MACROD2: variants seen among roughly 807,000 people sequenced by gnomAD.
The protein encoded by MACROD2 is mono-ADP ribosylhydrolase 2, also known as ADP-ribose glycohydrolase MACROD2.
MACROD2 carries 36 observed loss-of-function variants against 70.4 expected under a neutral mutation model. The ratio of observed to expected loss-of-function variants is 0.51; its 90% confidence interval spans 0.39 to 0.68. MACROD2 has a LOEUF of 0.68. Ranked by LOEUF, MACROD2 falls within the 30% of genes least tolerant of loss-of-function variation. The pLI is 0.00. For synonymous variants in MACROD2, 172 were observed against 178.8 expected (o/e 0.96, Z 0.30); for missense variants, 496 against 538.4 (o/e 0.92, Z 0.78).
At chr20:14,384,975 G>A (rs1245148559) in intron 3 of MACROD2, among the ~76,000 whole-genome samples, 1 of 152,054 alleles carries the variant, frequency 6.6e-6, no homozygotes, top group Non-Finnish European at 1.5e-5. Context: ...ACACAAAAGG[G>A]TGCTTTATGT....
intron 5 of MACROD2, among the ~76,000 whole-genome samples, chr20:15,219,385 C>T (rs2076838905): frequency 6.6e-6 from 1 of 152,158 alleles, no homozygotes; most frequent in African/African-American, 2.4e-5. Flanking sequence ...CCTACTCCTG[C>T]TGTAACACTC....
intron 5 of MACROD2, among the ~76,000 whole-genome samples, chr20:15,184,864 T>G (rs947848827): frequency 2.0e-5 from 3 of 152,182 alleles, no homozygotes; most frequent in African/African-American, 7.2e-5. Flanking sequence ...ATGTTTAAAA[T>G]ACACCTGCAA....
intron 8 of MACROD2, among the ~76,000 whole-genome samples, chr20:15,627,476 A>AGGTTAGGGGTTTTTCAAAGGC (rs2049222178): frequency 6.6e-6 from 1 of 152,088 alleles, no homozygotes; most frequent in Non-Finnish European, 1.5e-5. Context: ...GAAGACTTGT[A>AGGTTAGGGGTTTTTCAAAGGC]GGTTAGGGGT....
At chr20:14,509,880 T>C (rs1413242841) in intron 4 of MACROD2, among the ~76,000 whole-genome samples, 3 of 152,062 alleles carry the variant, frequency 2.0e-5, no homozygotes, top group African/African-American at 7.2e-5. Context: ...TATTTATACA[T>C]ATTTTAGTGC....
chr20:15,207,437 T>A (rs2076719604), intron 5 of MACROD2, among the ~76,000 whole-genome samples: 1 of 30,300 alleles, frequency 3.3e-5, no homozygotes, highest in Non-Finnish European at 6.7e-5. Flanking sequence ...TTGTTTCTGG[T>A]TTTTTTTTTT....
intron 6 of MACROD2, among the ~76,000 whole-genome samples, chr20:15,286,460 C>T (rs540404052): frequency 1.9e-4 from 29 of 150,058 alleles, no homozygotes; most frequent in Admixed American, 4.0e-4. Context: ...CTTCTAAAGT[C>T]TGGGGACATA....
chr20:14,515,778 T>A (rs1224220081), intron 4 of MACROD2, among the ~76,000 whole-genome samples: 2 of 151,948 alleles, frequency 1.3e-5, no homozygotes, highest in African/African-American at 4.8e-5. Flanking sequence ...TAAGTTTTAG[T>A]GATCTATTTC....
intron 8 of MACROD2, among the ~76,000 whole-genome samples, chr20:15,603,158 A>G (rs1295531222): frequency 6.6e-6 from 1 of 151,996 alleles, no homozygotes; most frequent in Non-Finnish European, 1.5e-5. Context: ...AGACTTTGAA[A>G]CACTCATTAA....
chr20:15,001,764 G>A (rs1315256204), intron 5 of MACROD2, among the ~76,000 whole-genome samples: 2 of 151,692 alleles, frequency 1.3e-5, no homozygotes, highest in Non-Finnish European at 2.9e-5. Flanking sequence ...TTGGTTACAT[G>A]AGTAAGTTCT....
intron 4 of MACROD2, among the ~76,000 whole-genome samples, chr20:14,515,230 C>G (rs420299): frequency 1.3e-5 from 2 of 151,826 alleles, no homozygotes; most frequent in Admixed American, 6.6e-5. Context: ...GTGCAAAAAT[C>G]GAAAAAAATC....
chr20:15,846,888 C>A (rs564149530), intron 8 of MACROD2, among the ~76,000 whole-genome samples: 27 of 131,602 alleles, frequency 2.1e-4, no homozygotes, highest in African/African-American at 7.6e-4. Flanking sequence ...CTAAAGTGGA[C>A]CTTGACATAG....
At chr20:14,611,292 G>A (rs1451232190) in intron 4 of MACROD2, among the ~76,000 whole-genome samples, 1 of 152,006 alleles carries the variant, frequency 6.6e-6, no homozygotes, top group South Asian at 2.1e-4. Context: ...TCCCAGATGT[G>A]AAACATTAGA....
rs147679726 is a variant in MACROD2 at position 15,499,491 on chromosome 20, A to G, written c.572-283A>G. Among the ~76,000 whole-genome samples, 167 of 152,280 alleles carry G rather than the reference A, an allele frequency of 1.1e-3. 1 individual carries two copies. Among genetic ancestry groups the G allele is most frequent in the Admixed American group, 8.0e-3 (123 of 15,294 alleles). Reference sequence around the variant, plus strand: ...AAGTATATTGTAATCTATTATGCATATGTAAATATGTTTTTAATTGATATT... The same window carrying G: ...AAGTATATTGTAATCTATTATGCATGTGTAAATATGTTTTTAATTGATATT... On this transcript the variant is annotated intron_variant, in intron 7 of 17. Transcript: ENST00000684519.
intron 15 of MACROD2, among the ~76,000 whole-genome samples, chr20:16,012,151 C>G (rs1320654938): frequency 6.6e-6 from 1 of 152,226 alleles, no homozygotes; most frequent in East Asian, 1.9e-4. Flanking sequence ...ACTCTCCTAG[C>G]ACACATGTTC....
intron 2 of MACROD2, among the ~76,000 whole-genome samples, chr20:14,029,457 T>G (rs1055694721): frequency 4.6e-5 from 7 of 152,214 alleles, no homozygotes. Flanking sequence ...AATTACAGTT[T>G]ATCATGATCC....
intron 5 of MACROD2, among the ~76,000 whole-genome samples, chr20:14,793,313 G>A (rs1462213372): frequency 6.6e-6 from 1 of 152,050 alleles, no homozygotes. Context: ...CATCATGGTA[G>A]TATCAATAAG....
chr20:15,981,319 G>A (rs374834107), intron 13 of MACROD2, among the ~76,000 whole-genome samples: 27 of 151,946 alleles, frequency 1.8e-4, no homozygotes, highest in African/African-American at 5.8e-4. Context: ...TGTTTTTTGC[G>A]GTATCGTTAT....
chr20:15,937,409 C>A (rs945588859), intron 11 of MACROD2, 67 bp from the exon 12 acceptor site: 1 of 1,439,656 alleles, frequency 6.9e-7, no homozygotes, highest in Non-Finnish European at 9.8e-7. Flanking sequence ...AGGTGCAGGG[C>A]AGGAAAGCCA....
At chr20:15,939,722 G>A (rs2065722397) in intron 12 of MACROD2, among the ~76,000 whole-genome samples, 3 of 151,974 alleles carry the variant, frequency 2.0e-5, no homozygotes. Context: ...GCCATAGATA[G>A]TGATGTCATC....
Sources: allele counts gnomAD v4.1 joint callset (sites outside exome capture counted in the v4.1 genomes callset), GRCh38; gene constraint gnomAD v4.1.1; transcripts MANE v1.5; gene names NCBI Gene and HGNC (gene_info 2026-07-23, HGNC 2026-07-21).